NOS1AP: variants seen among roughly 807,000 people sequenced by gnomAD.
NOS1AP encodes the protein carboxyl-terminal PDZ ligand of neuronal nitric oxide synthase protein.
NOS1AP carries 21 observed loss-of-function variants against 56.2 expected under a neutral mutation model. The ratio of observed to expected loss-of-function variants is 0.37; its 90% confidence interval spans 0.26 to 0.54. The LOEUF is 0.54. Ranked by LOEUF, NOS1AP falls within the 20% of genes least tolerant of loss-of-function variation. The probability of loss-of-function intolerance (pLI) is 0.84; values close to 1 mark genes in which losing one functional copy is unlikely to be tolerated. For missense variants in NOS1AP, 522 were observed against 657.8 expected, an observed-to-expected ratio of 0.79 and a Z score of 2.26; for synonymous variants, 270 against 274.6, an observed-to-expected ratio of 0.98 and a Z score of 0.17.
intron 2 of NOS1AP, among the ~76,000 whole-genome samples, chr1:162,265,846 T>C (rs950374420): frequency 6.6e-6 from 1 of 152,166 alleles, no homozygotes; most frequent in Non-Finnish European, 1.5e-5. Context: ...AAGATAGAAG[T>C]TTCTCTTTCT....
intron 2 of NOS1AP, among the ~76,000 whole-genome samples, chr1:162,253,937 G>A (rs1307796807): frequency 6.6e-6 from 1 of 152,144 alleles, no homozygotes; most frequent in Non-Finnish European, 1.5e-5. Flanking sequence ...ATCTTGAGGA[G>A]ATAATGTCAC....
intron 2 of NOS1AP, among the ~76,000 whole-genome samples, chr1:162,256,163 A>G (rs906623948): frequency 2.6e-5 from 4 of 152,170 alleles, no homozygotes; most frequent in Non-Finnish European, 4.4e-5. Context: ...AGAAAAAAAA[A>G]AAGAATTGGC....
intron 2 of NOS1AP, among the ~76,000 whole-genome samples, chr1:162,250,499 T>C (rs1212876609): frequency 6.6e-6 from 1 of 152,168 alleles, no homozygotes; most frequent in East Asian, 1.9e-4. Flanking sequence ...TTCCCTGTGG[T>C]TACATCTCCA....
chr1:162,140,595 C>T (rs1164843642), intron 1 of NOS1AP, among the ~76,000 whole-genome samples: 1 of 152,194 alleles, frequency 6.6e-6, no homozygotes, highest in Non-Finnish European at 1.5e-5. Flanking sequence ...GTGAATAATG[C>T]TGCAATGAAC....
chr1:162,114,471 C>T (rs1647852874), intron 1 of NOS1AP, among the ~76,000 whole-genome samples: 1 of 151,938 alleles, frequency 6.6e-6, no homozygotes, highest in Admixed American at 6.6e-5. Context: ...GGATGGTTTC[C>T]CTAAAAGCCA....
chr1:162,198,572 A>G (rs1011374326), intron 2 of NOS1AP, among the ~76,000 whole-genome samples: 2 of 152,242 alleles, frequency 1.3e-5, no homozygotes, highest in Non-Finnish European at 2.9e-5. Flanking sequence ...GATGGGCCTC[A>G]GGAGGACTAC....
At chr1:162,310,225 G>A (rs1655981789) in intron 4 of NOS1AP, among the ~76,000 whole-genome samples, 1 of 152,210 alleles carries the variant, frequency 6.6e-6, no homozygotes, top group African/African-American at 2.4e-5. Context: ...ATCAGGGAAT[G>A]AGGTATACCC....
chr1:162,258,241 G>T (rs1654098056), intron 2 of NOS1AP, among the ~76,000 whole-genome samples: 1 of 152,052 alleles, frequency 6.6e-6, no homozygotes, highest in Admixed American at 6.6e-5. Context: ...CATAATTATT[G>T]GACATCCATC....
chr1:162,215,978 C>G (rs1488420864), intron 2 of NOS1AP, among the ~76,000 whole-genome samples: 3 of 152,202 alleles, frequency 2.0e-5, no homozygotes, highest in South Asian at 2.1e-4. Context: ...ACGCCTTGGT[C>G]TGTCTGTCCA....
At chr1:162,255,872 C>T (rs1464528492) in intron 2 of NOS1AP, among the ~76,000 whole-genome samples, 24 of 152,100 alleles carry the variant, frequency 1.6e-4, no homozygotes, top group Admixed American at 1.5e-3. Context: ...ATGCTGGGTG[C>T]GGTGGCTTAC....
Position 162,208,156 on chromosome 1 carries a change from A to G in NOS1AP, c.177+53680A>G, listed in dbSNP as rs563406667. 2.0e-5 allele frequency among the ~76,000 whole-genome samples: 3 copies of G among 152,134 alleles called. No homozygotes were observed. The South Asian group carries it at 6.2e-4, about 32-fold the overall frequency. ...TGGAGCCCCTCAGCTCAGCCCTTTCACCTGGCAGGGGCCTCCCAGCCTGCC... is the reference window on the plus strand; with the variant it reads ...TGGAGCCCCTCAGCTCAGCCCTTTCGCCTGGCAGGGGCCTCCCAGCCTGCC... On this transcript the variant is annotated intron_variant, in intron 2 of 9. Coordinates refer to ENST00000361897, the MANE Select transcript of NOS1AP (RefSeq NM_014697.3).
intron 4 of NOS1AP, among the ~76,000 whole-genome samples, chr1:162,322,007 T>G (rs1002544216): frequency 6.6e-6 from 1 of 152,072 alleles, no homozygotes; most frequent in Non-Finnish European, 1.5e-5. Flanking sequence ...ACTCCAGCCT[T>G]GCGCAATATA....
rs35946766 is a variant in NOS1AP, at chr1:162,324,416, CTTTTTTTTTTTTTTTT to C, written c.345-8588_345-8573del. ...TAGTGGTTTTGTGAGGGACACTAGC[CTTTTTTTTTTTTTTTT>C]TTTTTTTTTTTTGCCTCCCTGTCAA... On this transcript the variant is annotated intron_variant, in intron 4 of 9. Coordinates refer to ENST00000361897, the MANE Select transcript of NOS1AP (RefSeq NM_014697.3). Among the ~76,000 whole-genome samples, 52 of 72,172 alleles carry C rather than the reference CTTTTTTTTTTTTTTTT, an allele frequency of 7.2e-4. 1 individual carries two copies. The highest frequency in any genetic ancestry group is 3.3e-3 in the Admixed American group (21 of 6,292). 47.3% of individuals were successfully genotyped at this position (72,172 alleles called of 152,430 possible).
chr1:162,322,396 C>G (rs1035842662), intron 4 of NOS1AP, among the ~76,000 whole-genome samples: 1 of 152,100 alleles, frequency 6.6e-6, no homozygotes, highest in Non-Finnish European at 1.5e-5. Context: ...ATGCTCCCAC[C>G]CCTGGGAAGC....
At chr1:162,135,840 T>G (rs1393825410) in intron 1 of NOS1AP, among the ~76,000 whole-genome samples, 2 of 152,326 alleles carry the variant, frequency 1.3e-5, no homozygotes, top group East Asian at 3.9e-4. Context: ...TTAAATTTGT[T>G]TAGGAATGGA....
In NOS1AP at chr1:162,360,007, G is replaced by A. The variant is rs576022855; in HGVS notation, c.939+2871G>A. On this transcript the variant is annotated intron_variant, in intron 8 of 9. Coordinates refer to ENST00000361897, the MANE Select transcript of NOS1AP (RefSeq NM_014697.3). ...TGTCACTTGTTGCACTATTTATGTCGTCCCCCCCCCACCACCCCCATTTCT... is the reference window on the plus strand; with the variant it reads ...TGTCACTTGTTGCACTATTTATGTCATCCCCCCCCCACCACCCCCATTTCT... Among the ~76,000 whole-genome samples, 37 of 150,126 alleles carry A rather than the reference G, an allele frequency of 2.5e-4. 1 individual carries two copies. The highest frequency in any genetic ancestry group is 2.8e-4 in the Non-Finnish European group (19 of 67,652).
intron 4 of NOS1AP, among the ~76,000 whole-genome samples, chr1:162,307,100 T>C (rs1017047521): frequency 6.6e-6 from 1 of 152,226 alleles, no homozygotes; most frequent in Admixed American, 6.5e-5. Context: ...AATCTGCTTA[T>C]TCTACTCTTT....
chr1:162,279,319 A>C (rs1654842744), intron 2 of NOS1AP, among the ~76,000 whole-genome samples: 1 of 152,128 alleles, frequency 6.6e-6, no homozygotes, highest in African/African-American at 2.4e-5. Context: ...ACAGGGAGCA[A>C]CCGCCACTTG....
At chr1:162,290,799 T>TGA (rs1655262885) in intron 3 of NOS1AP, among the ~76,000 whole-genome samples, 1 of 152,206 alleles carries the variant, frequency 6.6e-6, no homozygotes, top group South Asian at 2.1e-4. Context: ...TCACCCCAGA[T>TGA]GAGAAGACCT....
Sources: allele counts gnomAD v4.1 joint callset (sites outside exome capture counted in the v4.1 genomes callset), GRCh38; gene constraint gnomAD v4.1.1; transcripts MANE v1.5; gene names NCBI Gene and HGNC (gene_info 2026-07-23, HGNC 2026-07-21).